SEMA6D: variants seen among roughly 807,000 people sequenced by gnomAD.
SEMA6D encodes the protein semaphorin 6D.
SEMA6D carries 35 observed loss-of-function variants against 106.6 expected under a neutral mutation model. That is an observed-to-expected ratio of 0.33 (90% confidence interval 0.25 to 0.44). The LOEUF is 0.44. SEMA6D is among the 20% of genes least tolerant of loss of function. The pLI, the probability that SEMA6D is intolerant of heterozygous loss-of-function variation, is 1.00. For missense variants in SEMA6D, 1,185 were observed against 1,345.9 expected (o/e 0.88, Z 1.87); for synonymous variants, 499 against 487.7 (o/e 1.02, Z -0.31).
At chr15:47,576,406 G>A (rs1274892435) in intron 3 of SEMA6D, among the ~76,000 whole-genome samples, 1 of 152,180 alleles carries the variant, frequency 6.6e-6, no homozygotes, top group Non-Finnish European at 1.5e-5. Flanking sequence ...TGAAGTTGTT[G>A]ATGATTGAGT....
At chr15:47,345,121 CTATT>C (rs1595780376) in intron 1 of SEMA6D, among the ~76,000 whole-genome samples, 2 of 152,246 alleles carry the variant, frequency 1.3e-5, no homozygotes, top group South Asian at 2.1e-4. Context: ...GGTTGGAAGA[CTATT>C]TATTAAGATA....
chr15:47,192,341 A>G (rs1894021694), intron 1 of SEMA6D, among the ~76,000 whole-genome samples: 1 of 152,214 alleles, frequency 6.6e-6, no homozygotes, highest in African/African-American at 2.4e-5. Flanking sequence ...GCCCTGGTGG[A>G]ATTTCAACAG....
intron 3 of SEMA6D, among the ~76,000 whole-genome samples, chr15:47,520,310 ATCCAAAACTGCTGAG>A (rs1302182544): frequency 3.3e-5 from 5 of 152,270 alleles, no homozygotes; most frequent in Non-Finnish European, 7.3e-5. Flanking sequence ...GGAAATTGAG[ATCCAAAACTGCTGAG>A]TCCTTAGGCC....
Position 47,766,629 on chromosome 15 carries a change from G to T in SEMA6D, c.1660G>T (p.Glu554Ter). 1 of 1,612,832 alleles carries T rather than the reference G, an allele frequency of 6.2e-7. No individual in the cohort carries two copies. The highest frequency in any genetic ancestry group is 1.1e-5 in the South Asian group (1 of 90,990). ...CCATAACCACAGTGCTGAAGGATATGAACAAGACACAGAATTCGGCAACAC... is the reference window on the plus strand; with the variant it reads ...CCATAACCACAGTGCTGAAGGATATTAACAAGACACAGAATTCGGCAACAC... ...VTPGMLAEGY[E>*]QDTEFGNTAH... Residue 554 changes from glutamate (E) to a stop codon, truncating the protein, a stop_gained, in exon 16 of 19, where the codon GAA becomes TAA. Transcript: ENST00000536845. LOFTEE classifies it high-confidence loss of function.
rs183504222 is a variant in SEMA6D, at chr15:47,708,268, T to C, written c.-54-51477T>C. 1.3e-4 allele frequency among the ~76,000 whole-genome samples: 20 copies of C among 152,330 alleles called. No homozygotes were observed. The East Asian group carries it at 3.9e-3, about 29-fold the overall frequency. On this transcript the variant is annotated intron_variant, in intron 4 of 19. Transcript: ENST00000558014. ...CTTGGTACAATGATCTCATCCTGTC[T>C]CTTCCGTCACATTTCCTGTTACTTG...
At chr15:47,525,437 C>T (rs1170240990) in intron 3 of SEMA6D, 1 of 152,218 alleles carries the variant, frequency 6.6e-6, no homozygotes. Context: ...TCAGGGCTTC[C>T]TCTTGGACTC....
At chr15:47,487,186 T>G (rs1455083821) in intron 3 of SEMA6D, among the ~76,000 whole-genome samples, 1 of 152,222 alleles carries the variant, frequency 6.6e-6, no homozygotes, top group Non-Finnish European at 1.5e-5. Context: ...TGACCAAGAC[T>G]TTCAGTTGCA....
intron 4 of SEMA6D, among the ~76,000 whole-genome samples, chr15:47,672,850 T>C (rs2078164611): frequency 6.6e-6 from 1 of 152,214 alleles, no homozygotes; most frequent in African/African-American, 2.4e-5. Context: ...TTAATCATAT[T>C]AATAATGTAA....
chr15:47,667,086 C>G (rs1317590219), intron 4 of SEMA6D, among the ~76,000 whole-genome samples: 1 of 152,220 alleles, frequency 6.6e-6, no homozygotes, highest in Non-Finnish European at 1.5e-5. Flanking sequence ...TCAGCCTCCA[C>G]GTCTTCCCTA....
At chr15:47,667,805 T>A (rs1454703168) in intron 4 of SEMA6D, among the ~76,000 whole-genome samples, 3 of 152,038 alleles carry the variant, frequency 2.0e-5, no homozygotes, top group Non-Finnish European at 1.5e-5. Flanking sequence ...ACATATGAAT[T>A]TGGGGGGATG....
chr15:47,273,336 A>C (rs1398287044), intron 1 of SEMA6D, among the ~76,000 whole-genome samples: 1 of 152,048 alleles, frequency 6.6e-6, no homozygotes, highest in Non-Finnish European at 1.5e-5. Flanking sequence ...CTCTTCCCCA[A>C]CAACATTAAT....
At chr15:47,632,026 G>A (rs1199697374) in intron 4 of SEMA6D, among the ~76,000 whole-genome samples, 1 of 151,636 alleles carries the variant, frequency 6.6e-6, no homozygotes, top group Non-Finnish European at 1.5e-5. Flanking sequence ...TTTCCTTTGA[G>A]ACTTTCACTT....
intron 3 of SEMA6D, among the ~76,000 whole-genome samples, chr15:47,560,825 G>T (rs1397945956): frequency 1.3e-5 from 2 of 152,028 alleles, no homozygotes; most frequent in Non-Finnish European, 2.9e-5. Context: ...AGAAGAACCT[G>T]TGTAGAAGAA....
Position 47,772,205 on chromosome 15 carries a change from A to G in SEMA6D, c.*420A>G, listed in dbSNP as rs2082657030. On this transcript the variant is annotated 3_prime_UTR_variant, in exon 19 of 19. Coordinates refer to ENST00000536845, the MANE Select transcript of SEMA6D (RefSeq NM_001358351.3). ...ATGCATTCACCTTGCCTCTTGCACA[A>G]ATGTCAAAAAAAAGATGGTAATATC... 1 of 157,988 alleles carries G rather than the reference A, an allele frequency of 6.3e-6. No homozygotes were observed. Among genetic ancestry groups the G allele is most frequent in the African/African-American group, 2.4e-5 (1 of 41,684 alleles). 9.8% of individuals were successfully genotyped at this position (157,988 alleles called of 1,614,324 possible). A position where few individuals can be genotyped will look rare whatever the true frequency, so the allele number is the denominator to read the frequency against.
At chr15:47,391,499 T>C (rs2040031025) in intron 1 of SEMA6D, among the ~76,000 whole-genome samples, 1 of 152,038 alleles carries the variant, frequency 6.6e-6, no homozygotes, top group Non-Finnish European at 1.5e-5. Flanking sequence ...TGAGGAGAGG[T>C]GACTCTGTCT....
chr15:47,384,310 C>T (rs1415059087), intron 1 of SEMA6D, among the ~76,000 whole-genome samples: 1 of 152,244 alleles, frequency 6.6e-6, no homozygotes, highest in Non-Finnish European at 1.5e-5. Context: ...CGCCTATTCA[C>T]TAGGCAGTCT....
intron 1 of SEMA6D, among the ~76,000 whole-genome samples, chr15:47,411,504 T>C (rs1305666494): frequency 6.6e-6 from 1 of 152,154 alleles, no homozygotes; most frequent in East Asian, 1.9e-4. Context: ...AGATGGTAAA[T>C]ATAAAACTTA....
At chr15:47,748,867 T>C (rs1288579015) in intron 1 of SEMA6D, among the ~76,000 whole-genome samples, 3 of 152,054 alleles carry the variant, frequency 2.0e-5, no homozygotes, top group Admixed American at 6.6e-5. Flanking sequence ...TTGTGGAGAA[T>C]GCACTAGAAG....
At chr15:47,361,496 A>G (rs572880278) in intron 1 of SEMA6D, among the ~76,000 whole-genome samples, 34 of 152,318 alleles carry the variant, frequency 2.2e-4, no homozygotes, top group African/African-American at 7.9e-4. Context: ...TAAAATGGAA[A>G]GGTTGGAGTA....
Sources: gnomAD v4.1 joint callset for allele counts (sites outside exome capture counted in the v4.1 genomes callset) on GRCh38, gnomAD v4.1.1 for gene constraint, MANE v1.5 for transcripts, NCBI Gene and HGNC (gene_info 2026-07-23, HGNC 2026-07-21) for gene names.